The following MEF2A variants were observed in gnomAD, a reference collection of about 807,000 sequenced individuals.
MEF2A encodes the protein myocyte-specific enhancer factor 2A.
Under a neutral mutation model 55.8 loss-of-function variants are expected in MEF2A, and 28 were observed. The ratio of observed to expected loss-of-function variants is 0.50; its 90% CI spans 0.37 to 0.69. MEF2A has a LOEUF of 0.69. Among genes scored for constraint, MEF2A ranks in the 30% least tolerant of loss-of-function variants. The pLI is 0.00. For synonymous variants in MEF2A, 239 were observed against 227.1 expected (o/e 1.05, Z -0.47); for missense variants, 528 against 626.2 (o/e 0.84, Z 1.67).
intron 3 of MEF2A, 104 bp downstream of exon 3, chr15:99,633,277 A>G (rs1567275085): frequency 1.3e-6 from 1 of 747,616 alleles, no homozygotes; most frequent in East Asian, 3.3e-5. Context: ...TTAAGTCTAA[A>G]TATTTTTAGT....
intron 2 of MEF2A, among the ~76,000 whole-genome samples, chr15:99,623,175 T>C (rs1472184727): frequency 6.6e-6 from 1 of 152,360 alleles, no homozygotes; most frequent in Admixed American, 6.5e-5. Context: ...CCTTTTGTGA[T>C]TGGTTTATTT....
rs745809994 is a variant in MEF2A, at chr15:99,675,490, G to T, written c.670+32G>T. ...GAATTCCTACTCTTCTGTTTTGTAG[G>T]TATCTATCCTATATGAGATCAAAGG... is the stretch of plus-strand genomic sequence containing the variant. On this transcript the variant is annotated intron_variant, in intron 7 of 11. Transcript: ENST00000557942. The T allele has an allele frequency of 2.3e-5, 36 of 1,577,394 alleles. No homozygotes were observed. In the South Asian group the frequency reaches 2.9e-4, roughly 13 times the overall value.
At chr15:99,610,499 A>G (rs971738713) in intron 2 of MEF2A, among the ~76,000 whole-genome samples, 3 of 145,952 alleles carry the variant, frequency 2.1e-5, no homozygotes, top group African/African-American at 7.7e-5. Flanking sequence ...TAGCCAAAAC[A>G]ATCTTTAAAA....
intron 1 of MEF2A, among the ~76,000 whole-genome samples, chr15:99,586,786 T>G (rs1304233045): frequency 6.6e-6 from 1 of 152,212 alleles, no homozygotes; most frequent in Admixed American, 6.5e-5. Context: ...AGAAGTTTTA[T>G]AGTTTAGCTT....
chr15:99,654,352 T>C (rs541213561), intron 4 of MEF2A, among the ~76,000 whole-genome samples: 42 of 152,038 alleles, frequency 2.8e-4, no homozygotes, highest in Non-Finnish European at 5.1e-4. Context: ...CTAAGCTCAA[T>C]GTTTAATAGG....
intron 9 of MEF2A, among the ~76,000 whole-genome samples, chr15:99,704,536 AT>A (rs1203694017): frequency 6.6e-6 from 1 of 152,220 alleles, no homozygotes; most frequent in Non-Finnish European, 1.5e-5. Context: ...GCGTCCATGA[AT>A]TATCTAGCAC....
At chr15:99,629,208 G>T (rs1475640760) in intron 2 of MEF2A, among the ~76,000 whole-genome samples, 4 of 152,180 alleles carry the variant, frequency 2.6e-5, no homozygotes, top group African/African-American at 7.2e-5. Context: ...GCCGAGGCGG[G>T]TGGATCATGA....
intron 10 of MEF2A, among the ~76,000 whole-genome samples, chr15:99,707,295 T>C (rs1361630922): frequency 2.0e-5 from 3 of 152,144 alleles, no homozygotes; most frequent in African/African-American, 7.2e-5. Context: ...GACCTGAGAC[T>C]TCAGGAGGTG....
At chr15:99,659,572 C>G (rs2048303121) in intron 4 of MEF2A, among the ~76,000 whole-genome samples, 1 of 152,122 alleles carries the variant, frequency 6.6e-6, no homozygotes, top group African/African-American at 2.4e-5. Context: ...TGGATGCAGT[C>G]CATTTAAGAA....
intron 4 of MEF2A, among the ~76,000 whole-genome samples, chr15:99,666,142 G>A (rs527968715): frequency 3.3e-5 from 5 of 152,154 alleles, no homozygotes; most frequent in East Asian, 3.9e-4. Context: ...GCACACATAC[G>A]TTTACTGCGG....
intron 4 of MEF2A, among the ~76,000 whole-genome samples, chr15:99,663,630 G>T (rs1052184782): frequency 5.9e-5 from 9 of 151,628 alleles, no homozygotes; most frequent in African/African-American, 2.2e-4. Context: ...TTTAAATATA[G>T]AATTTCTTGC....
chr15:99,674,071 T>G (rs2051415500), intron 5 of MEF2A, among the ~76,000 whole-genome samples: 1 of 152,180 alleles, frequency 6.6e-6, no homozygotes, highest in East Asian at 1.9e-4. Context: ...CAGTGATATA[T>G]TTTGTAATGT....
intron 4 of MEF2A, among the ~76,000 whole-genome samples, chr15:99,649,631 A>C (rs186390761): frequency 4.3e-4 from 66 of 152,282 alleles, no homozygotes; most frequent in Admixed American, 7.8e-4. Context: ...AAGATTAAAA[A>C]TTATGAACTA....
chr15:99,601,232 C>T (rs1490689411), intron 2 of MEF2A, among the ~76,000 whole-genome samples: 1 of 152,062 alleles, frequency 6.6e-6, no homozygotes, highest in Non-Finnish European at 1.5e-5. Flanking sequence ...TTATATAAAA[C>T]TTTATAATTT....
chr15:99,620,066 G>A (rs2040875883), intron 2 of MEF2A, among the ~76,000 whole-genome samples: 4 of 152,158 alleles, frequency 2.6e-5, no homozygotes, highest in Admixed American at 1.3e-4. Flanking sequence ...TTCGTACCAC[G>A]ACAGTGGTGT....
intron 1 of MEF2A, chr15:99,566,662 A>G (rs1338214863): frequency 6.6e-6 from 1 of 152,298 alleles, no homozygotes; most frequent in Non-Finnish European, 1.5e-5. Flanking sequence ...CCCCGAAGGG[A>G]TTAGCCCCAA....
intron 3 of MEF2A, among the ~76,000 whole-genome samples, chr15:99,633,883 T>C (rs2043320487): frequency 6.6e-6 from 1 of 152,240 alleles, no homozygotes; most frequent in African/African-American, 2.4e-5. Context: ...CATTTACATA[T>C]TGTCTATGGC....
chr15:99,611,484 A>T (rs1977272906), intron 2 of MEF2A, among the ~76,000 whole-genome samples: 1 of 152,218 alleles, frequency 6.6e-6, no homozygotes, highest in Admixed American at 6.5e-5. Flanking sequence ...ATACCACTTC[A>T]CACCCACCAT....
intron 4 of MEF2A, among the ~76,000 whole-genome samples, chr15:99,668,404 TG>T (rs1200412142): frequency 6.6e-6 from 1 of 152,224 alleles, no homozygotes; most frequent in African/African-American, 2.4e-5. Flanking sequence ...TCAACTTAAA[TG>T]GGTACACACC....
Sources: gnomAD v4.1 joint callset for allele counts (sites outside exome capture counted in the v4.1 genomes callset) on GRCh38, gnomAD v4.1.1 for gene constraint, MANE v1.5 for transcripts, NCBI Gene and HGNC (gene_info 2026-07-23, HGNC 2026-07-21) for gene names.